Variants in SLC36A4 observed in about 807,000 individuals in gnomAD.
The protein encoded by SLC36A4 is solute carrier family 36 member 4.
SLC36A4 carries 49 observed loss-of-function variants against 50.5 expected under a neutral mutation model. The ratio of observed to expected loss-of-function variants is 0.97; its 90% CI spans 0.77 to 1.23. The LOEUF (loss-of-function observed/expected upper bound fraction) is 1.23. Among genes scored for constraint, SLC36A4 ranks in the 50% most tolerant of loss-of-function variants. SLC36A4 has a pLI of 0.00. For missense variants in SLC36A4, 611 were observed against 608.4 expected, an observed-to-expected ratio of 1.00 and a Z score of -0.05; for synonymous variants, 207 against 206.5, an observed-to-expected ratio of 1.00 and a Z score of -0.02.
chr11:93,167,058 G>T lies in SLC36A4; in HGVS notation c.768+886C>A, dbSNP rs1296246881. 4 of 152,034 alleles carry T rather than the reference G, an allele frequency of 2.6e-5. No homozygotes were observed. In the East Asian group the frequency reaches 7.7e-4, roughly 29 times the overall value. The allele number at this position is 152,034 out of a possible 1,614,324, so 9.4% of individuals were successfully genotyped here. A position where few individuals can be genotyped will look rare whatever the true frequency, so the allele number is the denominator to read the frequency against. ...CTGACTCTTACATGTTTAGCTAAGG[G>T]GTCATGAACTCCGGAAAGCCTATAT... is the stretch of plus-strand genomic sequence containing the variant. On this transcript the variant is annotated intron_variant, in intron 7 of 10. Coordinates refer to ENST00000326402, the MANE Select transcript of SLC36A4 (RefSeq NM_152313.4).
intron 8 of SLC36A4, among the ~76,000 whole-genome samples, chr11:93,165,703 A>G (rs1019316127): frequency 7.2e-5 from 11 of 152,172 alleles, no homozygotes; most frequent in African/African-American, 2.7e-4. Context: ...ATAAATAAAA[A>G]GAGAAGTAGA....
At chr11:93,196,681 T>C (rs1298472183) in intron 1 of SLC36A4, among the ~76,000 whole-genome samples, 1 of 152,214 alleles carries the variant, frequency 6.6e-6, no homozygotes, top group African/African-American at 2.4e-5. Context: ...TATGTACATT[T>C]TTAAGGCTAA....
chr11:93,158,671 T>A (rs1395927759), intron 9 of SLC36A4, among the ~76,000 whole-genome samples: 1 of 152,162 alleles, frequency 6.6e-6, no homozygotes, highest in Non-Finnish European at 1.5e-5. Flanking sequence ...ATGTTTGGAA[T>A]CTATATTTTC....
intron 2 of SLC36A4, among the ~76,000 whole-genome samples, chr11:93,184,983 T>C (rs10831003): frequency 0.24 from 36,176 of 152,050 alleles, 5,225 homozygotes; most frequent in East Asian, 0.32. Context: ...TCTATCATTG[T>C]CAACCTAAGA....
At chr11:93,194,186 G>T (rs1317348455) in intron 1 of SLC36A4, among the ~76,000 whole-genome samples, 3 of 152,054 alleles carry the variant, frequency 2.0e-5, no homozygotes, top group Non-Finnish European at 2.9e-5. Flanking sequence ...TGGATCATTA[G>T]TGTGCTTTTC....
chr11:93,145,224 A>G lies in SLC36A4; in HGVS notation c.*3313T>C, dbSNP rs549606386. ...TTACATAACTACTATGAAACTACTA[A>G]GATTAGACACTGTTAGGAAATTCAA... On this transcript the variant is annotated 3_prime_UTR_variant, in exon 11 of 11. Coordinates refer to ENST00000326402, the MANE Select transcript of SLC36A4 (RefSeq NM_152313.4). The G allele has an allele frequency of 2.6e-5, 4 of 152,224 alleles. No homozygotes were observed. The East Asian group carries it at 5.8e-4, about 22-fold the overall frequency. 9.4% of individuals were successfully genotyped at this position (152,224 alleles called of 1,614,324 possible). A position where few individuals can be genotyped will look rare whatever the true frequency, so the allele number is the denominator to read the frequency against.
chr11:93,183,736 C>G (rs569842599), intron 3 of SLC36A4, among the ~76,000 whole-genome samples: 3 of 151,026 alleles, frequency 2.0e-5, no homozygotes, highest in South Asian at 2.1e-4. Flanking sequence ...CTTGCTCTGT[C>G]GCCCAGGCTG....
chr11:93,180,884 G>A lies in SLC36A4; in HGVS notation c.456-3C>T. ...CCAGAAAAAAGTCAACCACACTCCTGAAAAAAGATATCCACAAATGAGTAT... is the reference window on the plus strand; with the variant it reads ...CCAGAAAAAAGTCAACCACACTCCTAAAAAAAGATATCCACAAATGAGTAT... On this transcript the variant is annotated splice_polypyrimidine_tract_variant and splice_region_variant and intron_variant, in intron 5 of 10. Transcript: ENST00000326402. The A allele has an allele frequency of 3.1e-6, 5 of 1,601,522 alleles. No individual in the cohort carries two copies. The highest frequency in any genetic ancestry group is 4.3e-6 in the Non-Finnish European group (5 of 1,169,332).
intron 6 of SLC36A4, among the ~76,000 whole-genome samples, chr11:93,177,855 A>G (rs1222737793): frequency 6.6e-6 from 1 of 152,206 alleles, no homozygotes; most frequent in Admixed American, 6.5e-5. Flanking sequence ...GTCCGTTCTC[A>G]GATCTCAAAC....
intron 8 of SLC36A4, among the ~76,000 whole-genome samples, chr11:93,164,246 ACCT>A (rs1470101588): frequency 6.6e-6 from 1 of 152,144 alleles, no homozygotes; most frequent in Non-Finnish European, 1.5e-5. Context: ...ACATCTACCC[ACCT>A]GTATCTACTG....
intron 10 of SLC36A4, chr11:93,152,511 G>A (rs1159372483): frequency 6.6e-6 from 1 of 152,076 alleles, no homozygotes; most frequent in Non-Finnish European, 1.5e-5. Flanking sequence ...CCCATATATG[G>A]ATGAGAAGCT....
intron 1 of SLC36A4, among the ~76,000 whole-genome samples, chr11:93,190,005 T>C (rs2099608437): frequency 6.6e-6 from 1 of 152,196 alleles, no homozygotes; most frequent in East Asian, 1.9e-4. Context: ...AAAAATTAGT[T>C]GGGACCTCCG....
At chr11:93,195,569 C>T (rs148915767) in intron 1 of SLC36A4, among the ~76,000 whole-genome samples, 1 of 152,308 alleles carries the variant, frequency 6.6e-6, no homozygotes, top group East Asian at 1.9e-4. Context: ...GCAGTCAATG[C>T]AATCCTTTTA....
At chr11:93,193,040 A>G (rs1862277899) in intron 1 of SLC36A4, 1 of 565,066 alleles carries the variant, frequency 1.8e-6, no homozygotes, top group African/African-American at 2.0e-5. Context: ...TAAATAAGTA[A>G]TCAATAAACA....
At position 93,197,729 on chromosome 11, in the gene SLC36A4, G is replaced by A. The variant is rs1384402881; in HGVS notation, c.55+49C>T. 4 of 1,562,040 alleles carry A rather than the reference G, an allele frequency of 2.6e-6. No homozygotes were observed. In the Admixed American group the frequency reaches 5.1e-5, roughly 20 times the overall value. On this transcript the variant is annotated intron_variant, in intron 1 of 10. Transcript: ENST00000326402. ...TGTGGGCGCACCCGACTCCCGCACA[G>A]ACCCCCGCCCACGTCAGCCCCGGCT...
In SLC36A4 at chr11:93,145,303, A is replaced by G. The variant is rs1376848804; in HGVS notation, c.*3234T>C. 1.3e-5 allele frequency: 2 copies of G among 152,122 alleles called. No individual in the cohort carries two copies. The highest frequency in any genetic ancestry group is 2.4e-5 in the African/African-American group (1 of 41,452). 9.4% of individuals were successfully genotyped at this position (152,122 alleles called of 1,614,324 possible). On this transcript the variant is annotated 3_prime_UTR_variant, in exon 11 of 11. Coordinates refer to ENST00000326402, the MANE Select transcript of SLC36A4 (RefSeq NM_152313.4). ...AAATATGTAAGTGCATTTTCCAGGC[A>G]AGATGCAGAAATCATTTTAATAACG... is the stretch of plus-strand genomic sequence containing the variant.
chr11:93,190,312 C>T (rs575926435), intron 1 of SLC36A4, among the ~76,000 whole-genome samples: 4 of 152,136 alleles, frequency 2.6e-5, no homozygotes, highest in East Asian at 3.9e-4. Context: ...TAGCACAATA[C>T]GGCAACGGTA....
chr11:93,159,002 C>A (rs1860496296), intron 9 of SLC36A4, among the ~76,000 whole-genome samples: 1 of 151,986 alleles, frequency 6.6e-6, no homozygotes, highest in African/African-American at 2.4e-5. Flanking sequence ...CTCTGTATAT[C>A]CCTTCAATGC....
intron 9 of SLC36A4, chr11:93,155,094 T>A (rs2134633437): frequency 6.6e-6 from 1 of 152,238 alleles, no homozygotes; most frequent in African/African-American, 2.4e-5. Context: ...AAAACAGAAT[T>A]GTAGGACCTA....
Sources: allele counts gnomAD v4.1 joint callset (sites outside exome capture counted in the v4.1 genomes callset), GRCh38; gene constraint gnomAD v4.1.1; transcripts MANE v1.5; gene names NCBI Gene and HGNC (gene_info 2026-07-23, HGNC 2026-07-21).